The following SDC2 variants were observed in gnomAD, a reference collection of about 807,000 sequenced individuals.
SDC2 encodes syndecan-2.
In SDC2, 13 loss-of-function variants were observed where a neutral mutation model predicts 22.2. The observed-to-expected ratio is 0.59, with a 90% confidence interval of 0.38 to 0.93. The LOEUF is 0.93. Ranked by LOEUF, SDC2 falls within the 40% of genes least tolerant of loss-of-function variation. The probability of loss-of-function intolerance (pLI) is 0.00; values close to 1 mark genes in which losing one functional copy is unlikely to be tolerated. For synonymous variants in SDC2, 94 were observed against 92.8 expected, an observed-to-expected ratio of 1.01 and a Z score of -0.07; for missense variants, 235 against 246.8, an observed-to-expected ratio of 0.95 and a Z score of 0.32.
intron 1 of SDC2, among the ~76,000 whole-genome samples, chr8:96,570,918 A>G (rs75531207): frequency 0.03 from 4,521 of 152,190 alleles, 91 homozygotes; most frequent in Non-Finnish European, 0.044. Flanking sequence ...GGAAGGGAGA[A>G]TAGGGAGTTA....
At chr8:96,585,853 GTTTTT>G (rs199970598) in intron 1 of SDC2, among the ~76,000 whole-genome samples, 3 of 145,428 alleles carry the variant, frequency 2.1e-5, no homozygotes, top group Non-Finnish European at 4.5e-5. Context: ...CTGGCAAGAG[GTTTTT>G]TTTTTTTTTT....
In SDC2 at chr8:96,609,719, A is replaced by T. The variant is rs543261902; in HGVS notation, c.*171A>T. On this transcript the variant is annotated 3_prime_UTR_variant, in exon 5 of 5. Transcript: ENST00000302190. ...ATTTCATGTATTTCTTTAGAACAACATAAAATTAAAATTTAACATCTGCAG... is the reference window on the plus strand; with the variant it reads ...ATTTCATGTATTTCTTTAGAACAACTTAAAATTAAAATTTAACATCTGCAG... 105 of 466,928 alleles carry T rather than the reference A, an allele frequency of 2.2e-4. No homozygotes were observed. Among genetic ancestry groups the T allele is most frequent in the African/African-American group, 1.9e-3 (97 of 49,848 alleles). The allele number at this position is 466,928 out of a possible 1,614,324, so 28.9% of individuals were successfully genotyped here.
At chr8:96,589,446 T>C (rs1464737172) in intron 1 of SDC2, among the ~76,000 whole-genome samples, 3 of 152,198 alleles carry the variant, frequency 2.0e-5, no homozygotes, top group African/African-American at 7.2e-5. Context: ...GTCTCCTTGC[T>C]CTGTCTCCCA....
In SDC2 at chr8:96,611,333, AAG is replaced by A. The variant is rs1341585310; in HGVS notation, c.*1786_*1787del. 6.6e-6 allele frequency: 1 copy of A among 152,576 alleles called. No individual in the cohort carries two copies. Among genetic ancestry groups the A allele is most frequent in the Non-Finnish European group, 1.5e-5 (1 of 68,036 alleles). The allele number at this position is 152,576 out of a possible 1,614,324, so 9.5% of individuals were successfully genotyped here. ...CCAAGTCAGAAGAAGACAGCAAAAA[AAG>A]CAACTTTTCCAACATACAATTTACT... On this transcript the variant is annotated 3_prime_UTR_variant, in exon 5 of 5. Transcript: ENST00000302190.
At chr8:96,579,088 C>G (rs1041612952) in intron 1 of SDC2, among the ~76,000 whole-genome samples, 1 of 152,210 alleles carries the variant, frequency 6.6e-6, no homozygotes, top group Non-Finnish European at 1.5e-5. Context: ...TTTGCCAGCA[C>G]TTCGGATTTG....
At chr8:96,559,457 T>G (rs1213001996) in intron 1 of SDC2, among the ~76,000 whole-genome samples, 1 of 152,196 alleles carries the variant, frequency 6.6e-6, no homozygotes, top group Non-Finnish European at 1.5e-5. Flanking sequence ...AGGAAATCAC[T>G]GCAGATTTCT....
chr8:96,532,924 T>C lies in SDC2; in HGVS notation c.60+38593T>C, dbSNP rs560244866. Among the ~76,000 whole-genome samples, 5 of 152,348 alleles carry C rather than the reference T, an allele frequency of 3.3e-5. No homozygotes were observed. In the South Asian group the frequency reaches 1.0e-3, roughly 32 times the overall value. Reference sequence around the variant, plus strand: ...TCTTTGCTAAAGGGATTTTTTTTCTTAAGTACATACTGTATCCAGAATTGG... The same window carrying C: ...TCTTTGCTAAAGGGATTTTTTTTCTCAAGTACATACTGTATCCAGAATTGG... On this transcript the variant is annotated intron_variant, in intron 1 of 4. Transcript: ENST00000302190.
intron 1 of SDC2, among the ~76,000 whole-genome samples, chr8:96,569,105 G>A (rs1202195256): frequency 6.6e-6 from 1 of 152,062 alleles, no homozygotes; most frequent in East Asian, 1.9e-4. Flanking sequence ...GAACTCCTAG[G>A]CTCAAGTGAT....
chr8:96,608,714 A>C (rs549598144), intron 4 of SDC2, among the ~76,000 whole-genome samples: 1 of 152,220 alleles, frequency 6.6e-6, no homozygotes, highest in East Asian at 1.9e-4. Context: ...AAAAGAGGGA[A>C]AGTTAACATC....
At chr8:96,608,987 T>C (rs1214312480) in intron 4 of SDC2, among the ~76,000 whole-genome samples, 1 of 152,228 alleles carries the variant, frequency 6.6e-6, no homozygotes, top group Non-Finnish European at 1.5e-5. Flanking sequence ...GAAATAAATT[T>C]GCATGCTTTT....
At chr8:96,583,717 GTATATA>G (rs60809365) in intron 1 of SDC2, among the ~76,000 whole-genome samples, 167 of 116,728 alleles carry the variant, frequency 1.4e-3, no homozygotes, top group East Asian at 3.8e-3. Flanking sequence ...GTGTGTGTGT[GTATATA>G]TATATATGAG....
At chr8:96,598,644 A>C (rs1814923270) in intron 2 of SDC2, among the ~76,000 whole-genome samples, 1 of 152,068 alleles carries the variant, frequency 6.6e-6, no homozygotes, top group African/African-American at 2.4e-5. Context: ...AACAAAAAAA[A>C]ATAAGAGAAT....
rs139265032 is a variant in SDC2, at chr8:96,595,346, G to T, written c.172+1755G>T. On this transcript the variant is annotated intron_variant, in intron 2 of 4. Coordinates refer to ENST00000302190, the MANE Select transcript of SDC2 (RefSeq NM_002998.4). ...AAGTCTGAGAAAGACAAGAGAGGTG[G>T]TTGCTGACCTAGTAACAATGAGCTT... Among the ~76,000 whole-genome samples, 941 of 152,254 alleles carry T rather than the reference G, an allele frequency of 6.2e-3. 5 individuals carry two copies. The highest frequency in any genetic ancestry group is 0.022 in the African/African-American group (908 of 41,558).
rs1160583300 is a variant in SDC2, at chr8:96,593,546, GTGTATCCTATTGA to G, written c.130_142del (p.Tyr44ThrfsTer16). The G allele has an allele frequency of 6.2e-7, 1 of 1,614,080 alleles. No homozygotes were observed. Among genetic ancestry groups the G allele is most frequent in the East Asian group, 2.2e-5 (1 of 44,882 alleles). ...CAGCTCCATTGAAGAAGCTTCAGGA[GTGTATCCTATTGA>G]TGACGATGACTACGCTTCTGCGTCT... On this transcript the variant is annotated frameshift_variant, in exon 2 of 5. Transcript: ENST00000302190. LOFTEE classifies it high-confidence loss of function.
intron 2 of SDC2, among the ~76,000 whole-genome samples, chr8:96,599,584 T>A (rs1262931523): frequency 6.6e-6 from 1 of 152,214 alleles, no homozygotes; most frequent in East Asian, 1.9e-4. Flanking sequence ...ATATGTATCA[T>A]GTCTGTTAGA....
chr8:96,574,314 G>A (rs1814451395), intron 1 of SDC2, among the ~76,000 whole-genome samples: 1 of 152,132 alleles, frequency 6.6e-6, no homozygotes, highest in African/African-American at 2.4e-5. Flanking sequence ...CCTGGGATCT[G>A]AGGGGAAGAG....
At chr8:96,571,318 G>A (rs1814390615) in intron 1 of SDC2, among the ~76,000 whole-genome samples, 1 of 152,164 alleles carries the variant, frequency 6.6e-6, no homozygotes, top group South Asian at 2.1e-4. Context: ...CAGAGCGGCT[G>A]CAAAGGCCCT....
chr8:96,524,296 T>C (rs1563648263), intron 1 of SDC2, among the ~76,000 whole-genome samples: 1 of 152,198 alleles, frequency 6.6e-6, no homozygotes, highest in Non-Finnish European at 1.5e-5. Flanking sequence ...TGCACATACA[T>C]CACTCTGGGG....
chr8:96,540,366 C>T (rs1241365765), intron 1 of SDC2, among the ~76,000 whole-genome samples: 5 of 70,482 alleles, frequency 7.1e-5, no homozygotes, highest in East Asian at 8.0e-4. Flanking sequence ...AAAAATTAGT[C>T]GGGTGTGGCA....
Sources: gnomAD v4.1 joint callset for allele counts (sites outside exome capture counted in the v4.1 genomes callset) on GRCh38, gnomAD v4.1.1 for gene constraint, MANE v1.5 for transcripts, NCBI Gene and HGNC (gene_info 2026-07-23, HGNC 2026-07-21) for gene names.